The following FAM167A variants were observed in gnomAD, a reference collection of about 807,000 sequenced individuals.
The protein encoded by FAM167A is family with sequence similarity 167 member A, also known as protein FAM167A.
A neutral mutation model predicts 14.9 loss-of-function variants in FAM167A; 23 were observed. The ratio of observed to expected loss-of-function variants is 1.55; its 90% CI spans 1.11 to 2.19. The LOEUF is 2.19. FAM167A is among the 30% of genes most tolerant of loss of function. The pLI is 0.00. For missense variants in FAM167A, 401 were observed against 281.5 expected, an observed-to-expected ratio of 1.42 and a Z score of -3.04; for synonymous variants, 174 against 117.7, an observed-to-expected ratio of 1.48 and a Z score of -3.10.
chr8:11,422,373 G>GTGTGTGTGTGTGT lies in FAM167A; in HGVS notation c.*1999_*2000insACACACACACACA, dbSNP rs1554521058. The GTGTGTGTGTGTGT allele has an allele frequency of 7.7e-3, 921 of 120,324 alleles. 6 individuals carry two copies. The highest frequency in any genetic ancestry group is 0.013 in the Non-Finnish European group (730 of 55,320). 7.5% of individuals were successfully genotyped at this position (120,324 alleles called of 1,614,324 possible). On this transcript the variant is annotated 3_prime_UTR_variant, in exon 3 of 3. Transcript: ENST00000284486. ...TCTCTGTCGTGTGTGTGTGTGTGGG[G>GTGTGTGTGTGTGT]GTGTGTGTGTGTGTGTGTGTGTGTG...
At chr8:11,426,695 G>T (rs991057581) in intron 2 of FAM167A, among the ~76,000 whole-genome samples, 2 of 152,160 alleles carry the variant, frequency 1.3e-5, no homozygotes, top group African/African-American at 2.4e-5. Flanking sequence ...TAAAGGTGTA[G>T]GTAGATAAGA....
rs768510757 is a variant in FAM167A at position 11,424,454 on chromosome 8, G to A, written c.564C>T (p.Ser188=). 5.6e-6 allele frequency: 9 copies of A among 1,614,018 alleles called. No individual in the cohort carries two copies. The highest frequency in any genetic ancestry group is 2.2e-5 in the East Asian group (1 of 44,898). ...ADLFCDSPLA[S]SFSLSTPLKL... is the part of the protein sequence containing the mutation. Reference sequence around the variant, plus strand: ...TGAGTGGTGTGGAGAGGCTGAAGGAGGAGGCAAGAGGGGAGTCACAGAAGA... The same window carrying A: ...TGAGTGGTGTGGAGAGGCTGAAGGAAGAGGCAAGAGGGGAGTCACAGAAGA... The change falls in exon 3 of 3, where the codon TCC becomes TCT. Residue 188 remains serine (S), a synonymous_variant. Coordinates refer to ENST00000284486, the MANE Select transcript of FAM167A (RefSeq NM_053279.3).
At chr8:11,472,130 A>G (rs143228621), upstream of FAM167A, among the ~76,000 whole-genome samples, 722 of 152,264 alleles carry the variant, frequency 4.7e-3, 5 homozygotes, top group Non-Finnish European at 7.7e-3. Flanking sequence ...TTGTGCATTC[A>G]CTTTGGGCCT....
intron 1 of FAM167A, among the ~76,000 whole-genome samples, chr8:11,465,844 G>A (rs1419507826): frequency 6.6e-6 from 1 of 152,220 alleles, no homozygotes; most frequent in Non-Finnish European, 1.5e-5. Flanking sequence ...GAACCTGCTT[G>A]CAGGCATACG....
chr8:11,422,923 G>C lies in FAM167A; in HGVS notation c.*1450C>G, dbSNP rs762613470. 3.3e-5 allele frequency: 5 copies of C among 152,700 alleles called. No individual in the cohort carries two copies. Among genetic ancestry groups the C allele is most frequent in the African/African-American group, 1.2e-4 (5 of 41,460 alleles). 9.5% of individuals were successfully genotyped at this position (152,700 alleles called of 1,614,324 possible). ...CAATACTCTGGGAGATGTGGGTGGG[G>C]GCTGAGGTGGAGAGTAGAGGGGTTG... On this transcript the variant is annotated 3_prime_UTR_variant, in exon 3 of 3. Coordinates refer to ENST00000284486, the MANE Select transcript of FAM167A (RefSeq NM_053279.3).
intron 2 of FAM167A, among the ~76,000 whole-genome samples, chr8:11,439,633 G>A (rs1187514658): frequency 6.6e-6 from 1 of 152,088 alleles, no homozygotes; most frequent in East Asian, 1.9e-4. Flanking sequence ...TGCGGGAGGA[G>A]GGTGTCTGCA....
In FAM167A at chr8:11,436,289, C is replaced by G. The variant is rs149970382; in HGVS notation, c.381+7742G>C. Among the ~76,000 whole-genome samples, 237 of 152,358 alleles carry G rather than the reference C, an allele frequency of 1.6e-3. 1 individual carries two copies. Among genetic ancestry groups the G allele is most frequent in the African/African-American group, 5.5e-3 (229 of 41,584 alleles). ...CACATGAGGAGGGCCAGGCCCGCCA[C>G]TAGGGGCCAAGGCCTTCCTCAACTT... On this transcript the variant is annotated intron_variant, in intron 2 of 2. Transcript: ENST00000284486.
chr8:11,437,015 C>A (rs1333894733), intron 2 of FAM167A, among the ~76,000 whole-genome samples: 2 of 152,182 alleles, frequency 1.3e-5, no homozygotes, highest in African/African-American at 4.8e-5. Flanking sequence ...ATTTTCTGCC[C>A]CAGCCTCCAG....
chr8:11,432,909 T>A (rs1024883549), intron 2 of FAM167A, among the ~76,000 whole-genome samples: 5 of 152,194 alleles, frequency 3.3e-5, no homozygotes, highest in Admixed American at 2.0e-4. Flanking sequence ...TCATGTCCTT[T>A]GCAGGGACAT....
In FAM167A at chr8:11,444,394, G is replaced by C. The variant is rs1462005505; in HGVS notation, c.18C>G (p.Ile6Met). MSVPQ[I>M]HVEEVGAEEG... ...CTTCTGCACCCACTTCTTCCACGTG[G>C]ATCTGGGGCACAGACATTCTACAGT... The change falls in exon 2 of 3, where the codon ATC becomes ATG. Residue 6 changes from isoleucine (I) to methionine (M), a missense_variant. By Grantham distance (10) the Ile-to-Met change is conservative. Coordinates refer to ENST00000284486, the MANE Select transcript of FAM167A (RefSeq NM_053279.3). The C allele has an allele frequency of 2.6e-6, 4 of 1,554,530 alleles. No individual in the cohort carries two copies. The highest frequency in any genetic ancestry group is 2.6e-6 in the Non-Finnish European group (3 of 1,150,164).
intron 2 of FAM167A, among the ~76,000 whole-genome samples, chr8:11,441,462 C>T (rs1284343617): frequency 6.6e-6 from 1 of 152,222 alleles, no homozygotes; most frequent in Non-Finnish European, 1.5e-5. Context: ...GACCTGCATG[C>T]ACATTAGAGT....
At position 11,434,455 on chromosome 8, in the gene FAM167A, C is replaced by G. The variant is rs569113463; in HGVS notation, c.381+9576G>C. Among the ~76,000 whole-genome samples the G allele has an allele frequency of 3.1e-3, 475 of 152,294 alleles. 2 individuals are homozygous for G. Among genetic ancestry groups the G allele is most frequent in the African/African-American group, 0.011 (459 of 41,574 alleles). ...TGAGCCAGGCCTCCAGGGATCCTCC[C>G]TGCCAGGGGCTCCTGTGCCCCCTGG... is the stretch of plus-strand genomic sequence containing the variant. On this transcript the variant is annotated intron_variant, in intron 2 of 2. Coordinates refer to ENST00000284486, the MANE Select transcript of FAM167A (RefSeq NM_053279.3).
upstream of FAM167A, among the ~76,000 whole-genome samples, chr8:11,472,400 C>A (rs188094646): frequency 9.0e-4 from 135 of 149,970 alleles, no homozygotes; most frequent in Middle Eastern, 7.0e-3. Flanking sequence ...ACATGCACAG[C>A]ATTTGTTTTT....
In FAM167A at chr8:11,424,403, G is replaced by A. The variant is rs753301707; in HGVS notation, c.615C>T (p.Asn205=). The change falls in exon 3 of 3, where the codon AAC becomes AAT. Residue 205 remains asparagine (N), a synonymous_variant. Coordinates refer to ENST00000284486, the MANE Select transcript of FAM167A (RefSeq NM_053279.3). ...PLKLIGVTKM[N]INSRRFSLC ...AGAGAGAGAACCTCCGAGAGTTGAT[G>A]TTCATCTTGGTCACGCCAATAAGCT... The A allele has an allele frequency of 3.1e-6, 5 of 1,614,082 alleles. No individual in the cohort carries two copies. The highest frequency in any genetic ancestry group is 2.2e-5 in the East Asian group (1 of 44,886).
upstream of FAM167A, chr8:11,467,534 C>G (rs1401949273): frequency 6.6e-6 from 1 of 152,358 alleles, no homozygotes; most frequent in Non-Finnish European, 1.5e-5. Flanking sequence ...TCATCAAGCA[C>G]CTTTCCTAGA....
chr8:11,464,405 C>T (rs528301719), intron 1 of FAM167A, among the ~76,000 whole-genome samples: 8 of 152,126 alleles, frequency 5.3e-5, no homozygotes, highest in Non-Finnish European at 8.8e-5. Context: ...CACCTGCCGC[C>T]CCTCCTAAAC....
chr8:11,455,931 G>GGT (rs1807252780), intron 1 of FAM167A, among the ~76,000 whole-genome samples: 2 of 133,416 alleles, frequency 1.5e-5, no homozygotes, highest in Admixed American at 7.6e-5. Flanking sequence ...TGCCCTGCTG[G>GGT]GTGTGCGTGA....
At chr8:11,425,348 C>G (rs921498962) in intron 2 of FAM167A, among the ~76,000 whole-genome samples, 1 of 152,154 alleles carries the variant, frequency 6.6e-6, no homozygotes, top group Admixed American at 6.5e-5. Context: ...TGTCGGCTCA[C>G]AAAGCTCATC....
chr8:11,458,142 G>C (rs977976817), intron 1 of FAM167A, among the ~76,000 whole-genome samples: 1 of 152,180 alleles, frequency 6.6e-6, no homozygotes, highest in Non-Finnish European at 1.5e-5. Context: ...TGGTGGCTGA[G>C]TCATCTTTCT....
Sources: gnomAD v4.1 joint callset for allele counts (sites outside exome capture counted in the v4.1 genomes callset) on GRCh38, gnomAD v4.1.1 for gene constraint, MANE v1.5 for transcripts, NCBI Gene and HGNC (gene_info 2026-07-23, HGNC 2026-07-21) for gene names.